TCERG1L: variants seen among roughly 807,000 people sequenced by gnomAD.
TCERG1L encodes the protein transcription elongation regulator 1 like, also known as transcription elongation regulator 1-like protein.
Under a neutral mutation model 56.3 loss-of-function variants are expected in TCERG1L, and 37 were observed. The ratio of observed to expected loss-of-function variants is 0.66; its 90% CI spans 0.51 to 0.87. The LOEUF (loss-of-function observed/expected upper bound fraction) is 0.87. Ranked by LOEUF, TCERG1L falls within the 40% of genes least tolerant of loss-of-function variation. TCERG1L has a pLI of 0.00. For missense variants in TCERG1L, 799 were observed against 774.2 expected (o/e 1.03, Z -0.38); for synonymous variants, 324 against 326.3 (o/e 0.99, Z 0.08).
At chr10:131,277,913 C>T (rs1345793421) in intron 3 of TCERG1L, among the ~76,000 whole-genome samples, 2 of 152,128 alleles carry the variant, frequency 1.3e-5, no homozygotes, top group Non-Finnish European at 2.9e-5. Context: ...GGAAAAAGGC[C>T]AGGTGACCAG....
chr10:131,222,073 G>A (rs1483383308), intron 4 of TCERG1L, among the ~76,000 whole-genome samples: 2 of 152,218 alleles, frequency 1.3e-5, no homozygotes, highest in Middle Eastern at 3.2e-3. Flanking sequence ...TCTCAAACCG[G>A]AAAGAGAACA....
At chr10:131,278,633 G>A (rs1354977612) in intron 3 of TCERG1L, among the ~76,000 whole-genome samples, 1 of 152,022 alleles carries the variant, frequency 6.6e-6, no homozygotes, top group African/African-American at 2.4e-5. Flanking sequence ...ATGAGCCACC[G>A]CACCCAGCCC....
chr10:131,265,326 G>T (rs1846274688), intron 3 of TCERG1L, among the ~76,000 whole-genome samples: 1 of 152,172 alleles, frequency 6.6e-6, no homozygotes, highest in Non-Finnish European at 1.5e-5. Context: ...TTTTTAACCT[G>T]CTCTGAGATC....
At chr10:131,285,825 A>G (rs1175887691) in intron 3 of TCERG1L, among the ~76,000 whole-genome samples, 3 of 152,206 alleles carry the variant, frequency 2.0e-5, no homozygotes, top group Non-Finnish European at 2.9e-5. Flanking sequence ...CATTGAAAAA[A>G]ATTCATCCCT....
At chr10:131,196,219 A>G (rs988199045) in intron 4 of TCERG1L, among the ~76,000 whole-genome samples, 8 of 152,174 alleles carry the variant, frequency 5.3e-5, no homozygotes, top group Non-Finnish European at 1.0e-4. Flanking sequence ...CCGCCACTGG[A>G]GGTGAGATTT....
intron 3 of TCERG1L, among the ~76,000 whole-genome samples, chr10:131,275,321 C>A (rs1019060758): frequency 1.3e-5 from 2 of 152,216 alleles, no homozygotes; most frequent in African/African-American, 4.8e-5. Flanking sequence ...CAAGCATGGA[C>A]ATCACTCTCC....
At chr10:131,273,872 C>T (rs539626965) in intron 3 of TCERG1L, among the ~76,000 whole-genome samples, 58 of 152,160 alleles carry the variant, frequency 3.8e-4, no homozygotes, top group Non-Finnish European at 8.1e-4. Flanking sequence ...ATGGAAATAA[C>T]AGGATTTACT....
At chr10:131,177,258 C>T (rs1213562137) in intron 4 of TCERG1L, among the ~76,000 whole-genome samples, 1 of 152,172 alleles carries the variant, frequency 6.6e-6, no homozygotes, top group Admixed American at 6.5e-5. Context: ...CACACACAGG[C>T]ACACACATGC....
At chr10:131,093,913 A>G (rs1473038332) in intron 11 of TCERG1L, among the ~76,000 whole-genome samples, 14 of 152,158 alleles carry the variant, frequency 9.2e-5, no homozygotes, top group South Asian at 2.1e-4. Context: ...TGAGGGAGAC[A>G]TTATCTGCTT....
At chr10:131,296,133 A>G (rs932888440) in intron 3 of TCERG1L, among the ~76,000 whole-genome samples, 1 of 152,164 alleles carries the variant, frequency 6.6e-6, no homozygotes, top group Non-Finnish European at 1.5e-5. Context: ...TCAAGTCATC[A>G]ATGCATTTTC....
intron 10 of TCERG1L, among the ~76,000 whole-genome samples, chr10:131,100,919 G>A (rs1014859482): frequency 3.9e-5 from 6 of 152,160 alleles, no homozygotes; most frequent in South Asian, 2.1e-4. Context: ...TCTTCTGAGC[G>A]CTCTCTGGAC....
At chr10:131,197,187 T>TC (rs1447383815) in intron 4 of TCERG1L, among the ~76,000 whole-genome samples, 4 of 151,238 alleles carry the variant, frequency 2.6e-5, no homozygotes. Context: ...TCTCCTCCAT[T>TC]TTTTTTTTGA....
chr10:131,253,577 G>A (rs891215621), intron 4 of TCERG1L, among the ~76,000 whole-genome samples: 8 of 152,190 alleles, frequency 5.3e-5, no homozygotes, highest in East Asian at 1.9e-4. Flanking sequence ...GCTGGGTGAC[G>A]TGGCATTCAC....
At chr10:131,184,993 G>A (rs1845220599) in intron 4 of TCERG1L, among the ~76,000 whole-genome samples, 1 of 152,162 alleles carries the variant, frequency 6.6e-6, no homozygotes, top group Non-Finnish European at 1.5e-5. Flanking sequence ...ATTACGGCAG[G>A]CTGAGGTGGG....
chr10:131,269,931 G>A (rs765728389), intron 3 of TCERG1L, among the ~76,000 whole-genome samples: 13 of 152,206 alleles, frequency 8.5e-5, no homozygotes, highest in African/African-American at 2.9e-4. Context: ...CACCAAACCC[G>A]CAACCCACAG....
At chr10:131,283,981 G>A (rs1398544078) in intron 3 of TCERG1L, among the ~76,000 whole-genome samples, 3 of 151,978 alleles carry the variant, frequency 2.0e-5, no homozygotes, top group South Asian at 2.1e-4. Flanking sequence ...AAATTAGCCA[G>A]GCATTGCAGT....
At chr10:131,283,868 C>T (rs1004189941) in intron 3 of TCERG1L, among the ~76,000 whole-genome samples, 10 of 152,048 alleles carry the variant, frequency 6.6e-5, no homozygotes, top group Non-Finnish European at 1.3e-4. Flanking sequence ...GGCACAGTGG[C>T]TCCCATCACT....
At chr10:131,237,797 G>A (rs911548741) in intron 4 of TCERG1L, among the ~76,000 whole-genome samples, 1 of 152,166 alleles carries the variant, frequency 6.6e-6, no homozygotes, top group African/African-American at 2.4e-5. Context: ...TTTCCCTGTA[G>A]GCAGCGAGGG....
intron 4 of TCERG1L, among the ~76,000 whole-genome samples, chr10:131,255,291 A>C (rs1301520149): frequency 6.6e-6 from 1 of 152,262 alleles, no homozygotes; most frequent in East Asian, 1.9e-4. Context: ...GGACAACTTT[A>C]AAGAAAGCAT....
Sources: gnomAD v4.1 joint callset for allele counts (sites outside exome capture counted in the v4.1 genomes callset) on GRCh38, gnomAD v4.1.1 for gene constraint, MANE v1.5 for transcripts, NCBI Gene and HGNC (gene_info 2026-07-23, HGNC 2026-07-21) for gene names.